The following FHL2 variants were observed in gnomAD, a reference collection of about 807,000 sequenced individuals.
FHL2 encodes the protein four and a half LIM domains protein 2.
In FHL2, 20 loss-of-function variants were observed where a neutral mutation model predicts 32.7. The observed-to-expected ratio is 0.61, with a 90% confidence interval of 0.43 to 0.89. The LOEUF is 0.89. FHL2 is among the 40% of genes least tolerant of loss of function. The probability of loss-of-function intolerance (pLI) is 0.00; values close to 1 mark genes in which losing one functional copy is unlikely to be tolerated. For missense variants in FHL2, 311 were observed against 358.6 expected, an observed-to-expected ratio of 0.87 and a Z score of 1.07; for synonymous variants, 123 against 128.1, an observed-to-expected ratio of 0.96 and a Z score of 0.27.
chr2:105,384,858 A>G (rs1682183090), intron 3 of FHL2, among the ~76,000 whole-genome samples: 1 of 152,156 alleles, frequency 6.6e-6, no homozygotes, highest in Non-Finnish European at 1.5e-5. Flanking sequence ...AGGGTCAAGT[A>G]ACTGACCCAA....
chr2:105,437,591 T>A (rs1053149592), intron 1 of FHL2, among the ~76,000 whole-genome samples: 1 of 152,348 alleles, frequency 6.6e-6, no homozygotes, highest in South Asian at 2.1e-4. Context: ...GACGTCAGAA[T>A]AATTTAGAAA....
At position 105,417,327 on chromosome 2, in the gene FHL2, A is replaced by G. The variant is rs537591824; in HGVS notation, c.-25+21072T>C. On this transcript the variant is annotated intron_variant, in intron 1 of 5. Coordinates refer to the FHL2 transcript ENST00000393352. ...AACCCAGGAGGCAGAGGTTGCAGTG[A>G]GCCAAGATCTTGCCACTGAACTCCA... is the stretch of plus-strand genomic sequence containing the variant. Among the ~76,000 whole-genome samples, 10 of 151,700 alleles carry G rather than the reference A, an allele frequency of 6.6e-5. No homozygotes were observed. In the South Asian group the frequency reaches 2.1e-3, roughly 32 times the overall value.
At chr2:105,399,504 C>T (rs917475932), upstream of FHL2, 1 of 1,536,186 alleles carries the variant, frequency 6.5e-7, no homozygotes, top group Admixed American at 2.0e-5. Context: ...CCTTCTTACC[C>T]TGCAGATGCT....
At chr2:105,371,546 ATCTCTCTCTCTCTC>A (rs10701119) in intron 4 of FHL2, among the ~76,000 whole-genome samples, 1 of 140,970 alleles carries the variant, frequency 7.1e-6, no homozygotes, top group Non-Finnish European at 1.5e-5. Context: ...ATCCCTTGAA[ATCTCTCTCTCTCTC>A]TCTCTCTCTC....
intron 1 of FHL2, among the ~76,000 whole-genome samples, chr2:105,423,905 C>T (rs1684181078): frequency 1.3e-5 from 2 of 152,176 alleles, no homozygotes; most frequent in Non-Finnish European, 2.9e-5. Context: ...AAACATAAGA[C>T]CTGAAACCAT....
chr2:105,367,637 T>G lies in FHL2; in HGVS notation c.434A>C (p.Asp145Ala). The change falls in exon 5 of 7, where the codon GAC (aspartate) becomes GCC (alanine). Residue 145 changes from aspartate to alanine, a missense_variant. Asp to Ala is a moderately radical substitution (Grantham distance 126). Transcript: ENST00000530340. Reference sequence around the variant, plus strand: ...GCAGGGCACACAGAAATTCTGATTGTCTTTGGGGATGAAACTCTTGGTTCC... The same window carrying G: ...GCAGGGCACACAGAAATTCTGATTGGCTTTGGGGATGAAACTCTTGGTTCC... Reference protein sequence around the residue: ...PIGTKSFIPKDNQNFCVPCYE... With the variant: ...PIGTKSFIPKANQNFCVPCYE... 6.2e-7 allele frequency: 1 copy of G among 1,614,186 alleles called. No homozygotes were observed. The highest frequency in any genetic ancestry group is 8.5e-7 in the Non-Finnish European group (1 of 1,180,034).
rs200039782 is a variant in FHL2 at position 105,396,053 on chromosome 2, T to TA, written c.-25+593dup. 7.5e-3 allele frequency among the ~76,000 whole-genome samples: 1,136 copies of TA among 152,080 alleles called. 7 individuals are homozygous for TA. Among genetic ancestry groups the TA allele is most frequent in the African/African-American group, 0.025 (1,024 of 41,494 alleles). ...CAGGAGCAAAGTAGTGATCAAATCT[T>TA]AAAAAAAGGGAGAATGACAGTTGGT... is the stretch of plus-strand genomic sequence containing the variant. On this transcript the variant is annotated intron_variant, in intron 2 of 6. Transcript: ENST00000530340.
chr2:105,374,972 GAGCCTGCCC>G (rs1681360832), intron 3 of FHL2, among the ~76,000 whole-genome samples: 1 of 152,182 alleles, frequency 6.6e-6, no homozygotes, highest in Non-Finnish European at 1.5e-5. Flanking sequence ...CCCTGAAGAA[GAGCCTGCCC>G]ACGATGTCTC....
intron 2 of FHL2, among the ~76,000 whole-genome samples, chr2:105,387,004 A>T (rs1682372570): frequency 6.6e-6 from 1 of 152,086 alleles, no homozygotes; most frequent in South Asian, 2.1e-4. Context: ...ACCTCGGGTG[A>T]TCTGCCCACC....
At chr2:105,384,623 T>C (rs1301467849) in intron 3 of FHL2, among the ~76,000 whole-genome samples, 1 of 152,192 alleles carries the variant, frequency 6.6e-6, no homozygotes, top group Non-Finnish European at 1.5e-5. Context: ...TTCTCGTGCC[T>C]CAGCCTCTCA....
chr2:105,406,513 A>G (rs1479981087), intron 1 of FHL2, among the ~76,000 whole-genome samples: 3 of 148,818 alleles, frequency 2.0e-5, no homozygotes, highest in South Asian at 2.1e-4. Context: ...CATTTGGCAC[A>G]TGGCTGTAAT....
At position 105,437,344 on chromosome 2, in the gene FHL2, TTACACATTCTATGTATGTACTGA is replaced by T. The variant is rs555487124; in HGVS notation, c.-25+1032_-25+1054del. ...ATACCCCAAAACCCTGACTTGGTCATTACACATTCTATGTATGTACTGATACACATTCTATGTATGTACCGAAC... is the reference window on the plus strand; with the variant it reads ...ATACCCCAAAACCCTGACTTGGTCATTACACATTCTATGTATGTACCGAAC... On this transcript the variant is annotated intron_variant, in intron 1 of 5. Transcript: ENST00000393352. Among the ~76,000 whole-genome samples, 32 of 152,302 alleles carry T rather than the reference TTACACATTCTATGTATGTACTGA, an allele frequency of 2.1e-4. No homozygotes were observed. The South Asian group carries it at 6.4e-3, about 31-fold the overall frequency.
upstream of FHL2, chr2:105,399,774 G>T (rs1683396230): frequency 1.4e-6 from 1 of 693,550 alleles, no homozygotes; most frequent in East Asian, 3.1e-5. Flanking sequence ...GAGAGCACAG[G>T]TTGAGCCCAT....
chr2:105,392,812 C>CTTTTTT (rs34774107), intron 2 of FHL2, among the ~76,000 whole-genome samples: 10 of 66,022 alleles, frequency 1.5e-4, no homozygotes, highest in Non-Finnish European at 2.1e-4. Context: ...TGCCAGGAAG[C>CTTTTTT]TTTTTTTTTT....
At chr2:105,394,681 G>A (rs534062227) in intron 2 of FHL2, among the ~76,000 whole-genome samples, 6 of 152,230 alleles carry the variant, frequency 3.9e-5, no homozygotes, top group Non-Finnish European at 8.8e-5. Context: ...TAAATTGTTG[G>A]ATTTTAAACA....
At chr2:105,399,193 C>CAA (rs1472498306), upstream of FHL2, 1 of 1,433,520 alleles carries the variant, frequency 7.0e-7, no homozygotes, top group Non-Finnish European at 9.0e-7. Context: ...CGTGCCCCCG[C>CAA]CCCGGGCTGC....
At chr2:105,379,546 G>A (rs1257059591) in intron 3 of FHL2, among the ~76,000 whole-genome samples, 1 of 152,172 alleles carries the variant, frequency 6.6e-6, no homozygotes, top group African/African-American at 2.4e-5. Context: ...TAGATGAGCA[G>A]ATTCAATGTA....
intron 3 of FHL2, chr2:105,377,931 A>G (rs1420766269): frequency 2.5e-6 from 1 of 405,956 alleles, no homozygotes; most frequent in African/African-American, 2.1e-5. Flanking sequence ...AGGGGTGGCA[A>G]GTTATCAGTG....
At chr2:105,409,268 C>T (rs890353399) in intron 1 of FHL2, among the ~76,000 whole-genome samples, 2 of 152,190 alleles carry the variant, frequency 1.3e-5, no homozygotes, top group African/African-American at 4.8e-5. Context: ...CTGCACTTGG[C>T]AGCTGTGCAA....
Sources: gnomAD v4.1 joint callset for allele counts (sites outside exome capture counted in the v4.1 genomes callset) on GRCh38, gnomAD v4.1.1 for gene constraint, MANE v1.5 for transcripts, NCBI Gene and HGNC (gene_info 2026-07-23, HGNC 2026-07-21) for gene names.